Variants in MAPK9 observed in about 807,000 individuals in gnomAD.
MAPK9 encodes Jun kinase.
Under a neutral mutation model 57.1 loss-of-function variants are expected in MAPK9, and 30 were observed. The ratio of observed to expected loss-of-function variants is 0.53; its 90% CI spans 0.39 to 0.71. MAPK9 has a LOEUF of 0.71. Among genes scored for constraint, MAPK9 ranks in the 30% least tolerant of loss-of-function variants. MAPK9 has a pLI of 0.00. For missense variants in MAPK9, 362 were observed against 521.0 expected (o/e 0.69, Z 2.97); for synonymous variants, 155 against 177.0 (o/e 0.88, Z 0.99).
intron 11 of MAPK9, chr5:180,237,451 T>C (rs1348644030): frequency 6.6e-6 from 1 of 152,156 alleles, no homozygotes; most frequent in Non-Finnish European, 1.5e-5. Context: ...CTCATGATCA[T>C]ACAACTACCT....
intron 1 of MAPK9, among the ~76,000 whole-genome samples, chr5:180,281,785 C>T (rs923575582): frequency 6.6e-6 from 1 of 152,212 alleles, no homozygotes; most frequent in Admixed American, 6.5e-5. Flanking sequence ...CACTGCCCCA[C>T]GGTCTTCTCC....
intron 6 of MAPK9, among the ~76,000 whole-genome samples, chr5:180,248,114 C>T (rs925675875): frequency 2.0e-5 from 3 of 152,252 alleles, no homozygotes; most frequent in Admixed American, 6.5e-5. Flanking sequence ...CACTCACTGG[C>T]GGCACAGGCT....
intron 2 of MAPK9, among the ~76,000 whole-genome samples, chr5:180,277,645 C>G (rs1362173280): frequency 6.6e-6 from 1 of 152,120 alleles, no homozygotes; most frequent in Non-Finnish European, 1.5e-5. Flanking sequence ...AGATGATTTT[C>G]AAGTACAATA....
At chr5:180,270,105 T>A (rs1029960217) in intron 2 of MAPK9, among the ~76,000 whole-genome samples, 1 of 152,232 alleles carries the variant, frequency 6.6e-6, no homozygotes. Flanking sequence ...TCAAGTAGCC[T>A]GATTACACAT....
chr5:180,247,825 GC>G lies in MAPK9; in HGVS notation c.617-316del, dbSNP rs1435376851. Reference sequence around the variant, plus strand: ...CCACACGCCCACCCCAGCCTCCATGGCCAAGTACCGGGTCCCCTGTGAAGGA... The same window carrying G: ...CCACACGCCCACCCCAGCCTCCATGGCAAGTACCGGGTCCCCTGTGAAGGA... On this transcript the variant is annotated intron_variant, in intron 6 of 11. Coordinates refer to ENST00000452135, the MANE Select transcript of MAPK9 (RefSeq NM_002752.5). This position sits in a 1 kb window ranked among gnomAD's most constrained non-coding sequence, Gnocchi z 4.5. 5 of 1,610,852 alleles carry G rather than the reference GC, an allele frequency of 3.1e-6. No homozygotes were observed. Among genetic ancestry groups the G allele is most frequent in the Admixed American group, 1.7e-5 (1 of 59,968 alleles).
In MAPK9 at chr5:180,274,516, G is replaced by A. The variant is rs115145366; in HGVS notation, c.123-5107C>T. On this transcript the variant is annotated intron_variant, in intron 2 of 11. Transcript: ENST00000452135. Reference sequence around the variant, plus strand: ...GAGAAGGAAAACATGCAGCCTCTGGGAGCAGACAGCAGCGCCTGACTGAAA... The same window carrying A: ...GAGAAGGAAAACATGCAGCCTCTGGAAGCAGACAGCAGCGCCTGACTGAAA... Among the ~76,000 whole-genome samples the A allele has an allele frequency of 2.9e-3, 446 of 152,300 alleles. 2 individuals carry two copies. Among genetic ancestry groups the A allele is most frequent in the African/African-American group, 0.01 (418 of 41,568 alleles).
At chr5:180,259,060 C>A (rs1561809578) in intron 5 of MAPK9, among the ~76,000 whole-genome samples, 1 of 151,798 alleles carries the variant, frequency 6.6e-6, no homozygotes, top group Non-Finnish European at 1.5e-5. Flanking sequence ...TGTGGTAACA[C>A]CTTCAGGCAT....
Position 180,267,902 on chromosome 5 carries a change from G to A in MAPK9, c.252+1378C>T, listed in dbSNP as rs186626989. On this transcript the variant is annotated intron_variant, in intron 3 of 11. Transcript: ENST00000452135. ...TTTTGAGACGGAGTCTCGCTCTGTC[G>A]CCCAGGCTGGAGTGCAGTGGTGCTA... Among the ~76,000 whole-genome samples, 261 of 151,914 alleles carry A rather than the reference G, an allele frequency of 1.7e-3. 1 individual carries two copies. Among genetic ancestry groups the A allele is most frequent in the Non-Finnish European group, 2.4e-3 (163 of 67,962 alleles).
chr5:180,287,259 CTA>C (rs779051236), intron 1 of MAPK9, among the ~76,000 whole-genome samples: 17 of 152,162 alleles, frequency 1.1e-4, no homozygotes, highest in Non-Finnish European at 1.9e-4. Flanking sequence ...ACAATGAACT[CTA>C]TACACCTTGC....
rs558321633 is a variant in MAPK9, at chr5:180,267,495, G to A, written c.252+1785C>T. Among the ~76,000 whole-genome samples, 3 of 150,958 alleles carry A rather than the reference G, an allele frequency of 2.0e-5. No homozygotes were observed. In the East Asian group the frequency reaches 5.9e-4, roughly 29 times the overall value. On this transcript the variant is annotated intron_variant, in intron 3 of 11. Coordinates refer to ENST00000452135, the MANE Select transcript of MAPK9 (RefSeq NM_002752.5). Reference sequence around the variant, plus strand: ...GAGAATGGCGTGAACCTGGGAGGCGGAGCTTGCAGTGAGCTGAGATCGCGC... The same window carrying A: ...GAGAATGGCGTGAACCTGGGAGGCGAAGCTTGCAGTGAGCTGAGATCGCGC...
At chr5:180,285,230 G>A (rs1762632694) in intron 1 of MAPK9, among the ~76,000 whole-genome samples, 1 of 152,196 alleles carries the variant, frequency 6.6e-6, no homozygotes, top group Non-Finnish European at 1.5e-5. Context: ...CTGAGGCTTA[G>A]AGGAAGTTGT....
At chr5:180,260,496 A>G (rs1759825056) in intron 5 of MAPK9, among the ~76,000 whole-genome samples, 1 of 152,184 alleles carries the variant, frequency 6.6e-6, no homozygotes. Flanking sequence ...TTATAAATAT[A>G]TTGTGTTTGT....
At chr5:180,280,334 CAG>C (rs1311071725) in intron 2 of MAPK9, 104 bp downstream of exon 2, 3 of 1,462,928 alleles carry the variant, frequency 2.1e-6, no homozygotes, top group African/African-American at 2.8e-5. Context: ...AAACCTATAA[CAG>C]AGTTTTTTTT....
chr5:180,279,907 G>A (rs879513904), intron 2 of MAPK9: 1 of 456,492 alleles, frequency 2.2e-6, no homozygotes, highest in African/African-American at 2.0e-5. Context: ...CAGTTGAAGT[G>A]AGACACCAAG....
In MAPK9 at chr5:180,269,202, G is replaced by A. The variant is rs183754678; in HGVS notation, c.252+78C>T. The A allele has an allele frequency of 2.3e-5, 32 of 1,420,458 alleles. 1 individual carries two copies. The highest frequency in any genetic ancestry group is 3.6e-5 in the Admixed American group (2 of 56,244). 88.0% of individuals were successfully genotyped at this position (1,420,458 alleles called of 1,614,324 possible). On this transcript the variant is annotated intron_variant, in intron 3 of 11. Coordinates refer to ENST00000452135, the MANE Select transcript of MAPK9 (RefSeq NM_002752.5). ...AGCTTATCCTAGGTCTGAACTCAAT[G>A]TATCTCCAGAAAACCCTGAAGATTA...
intron 2 of MAPK9, among the ~76,000 whole-genome samples, chr5:180,272,423 C>G (rs1761419024): frequency 6.6e-6 from 1 of 152,196 alleles, no homozygotes; most frequent in African/African-American, 2.4e-5. Flanking sequence ...TCCTTTGCTT[C>G]TTTTTTTGTT....
At chr5:180,272,052 C>T (rs1761378881) in intron 2 of MAPK9, among the ~76,000 whole-genome samples, 1 of 152,202 alleles carries the variant, frequency 6.6e-6, no homozygotes, top group South Asian at 2.1e-4. Flanking sequence ...CTATCACTGG[C>T]ACTTCCTAGC....
At chr5:180,279,640 C>A (rs1456253430) in intron 2 of MAPK9, among the ~76,000 whole-genome samples, 1 of 151,880 alleles carries the variant, frequency 6.6e-6, no homozygotes, top group African/African-American at 2.4e-5. Flanking sequence ...TTTAACTGCA[C>A]CACGGTTTCT....
At chr5:180,283,584 T>C (rs1762491608) in intron 1 of MAPK9, among the ~76,000 whole-genome samples, 2 of 152,270 alleles carry the variant, frequency 1.3e-5, no homozygotes, top group South Asian at 4.1e-4. Flanking sequence ...GGTTAACTTT[T>C]TTAAATTTGG....
Sources: gnomAD v4.1 joint callset for allele counts (sites outside exome capture counted in the v4.1 genomes callset) on GRCh38, gnomAD v4.1.1 for gene constraint, Gnocchi (gnomAD v3.1) non-coding constraint, MANE v1.5 for transcripts, NCBI Gene and HGNC (gene_info 2026-07-23, HGNC 2026-07-21) for gene names.